The following NR2F1-AS1 variants were observed in gnomAD, a reference collection of about 807,000 sequenced individuals.
The protein encoded by NR2F1-AS1 is NR2F1 antisense RNA 1.
chr5:93,531,196 A>G (rs182999796), intron 4 of NR2F1-AS1, among the ~76,000 whole-genome samples: 59 of 152,344 alleles, frequency 3.9e-4, no homozygotes, highest in Non-Finnish European at 8.8e-5. Context: ...AATAATGGCA[A>G]ATGATTGCCC....
intron 4 of NR2F1-AS1, among the ~76,000 whole-genome samples, chr5:93,495,167 T>C (rs1295572285): frequency 2.6e-5 from 4 of 152,202 alleles, no homozygotes; most frequent in African/African-American, 4.8e-5. Context: ...AATGACATTA[T>C]ACTTACATGG....
At chr5:93,492,846 T>TA (rs568884397) in intron 4 of NR2F1-AS1, among the ~76,000 whole-genome samples, 8,472 of 139,440 alleles carry the variant, frequency 0.061, 238 homozygotes, top group Middle Eastern at 0.094. Flanking sequence ...CATTTCATGA[T>TA]AAAAAAAAAA....
At chr5:93,482,953 C>A (rs1750633330) in intron 4 of NR2F1-AS1, among the ~76,000 whole-genome samples, 1 of 152,192 alleles carries the variant, frequency 6.6e-6, no homozygotes, top group Non-Finnish European at 1.5e-5. Flanking sequence ...CAGACCCAAT[C>A]AGGGGATTAT....
At chr5:93,419,636 G>T (rs147189078) in intron 4 of NR2F1-AS1, among the ~76,000 whole-genome samples, 9 of 152,154 alleles carry the variant, frequency 5.9e-5, no homozygotes, top group African/African-American at 2.2e-4. Context: ...TATCGGAAAG[G>T]ATATACATTA....
chr5:93,574,707 A>AT (rs1285391563), intron 1 of NR2F1-AS1, among the ~76,000 whole-genome samples: 8 of 151,650 alleles, frequency 5.3e-5, no homozygotes, highest in Admixed American at 2.0e-4. Flanking sequence ...CCTTTCTTAT[A>AT]TTTTTTTTCT....
chr5:93,464,224 TA>T (rs1243512030), intron 4 of NR2F1-AS1, among the ~76,000 whole-genome samples: 1 of 152,176 alleles, frequency 6.6e-6, no homozygotes, highest in East Asian at 1.9e-4. Context: ...CTGATGGTTT[TA>T]AAAAGGGGAG....
chr5:93,447,463 A>G (rs1455698315), intron 4 of NR2F1-AS1, among the ~76,000 whole-genome samples: 1 of 152,234 alleles, frequency 6.6e-6, no homozygotes, highest in Non-Finnish European at 1.5e-5. Flanking sequence ...AATGCTCATC[A>G]TCACTGGTCA....
upstream of NR2F1-AS1, among the ~76,000 whole-genome samples, chr5:93,581,910 C>G (rs1256557186): frequency 6.0e-5 from 6 of 100,100 alleles, no homozygotes; most frequent in African/African-American, 2.4e-4. Context: ...CTCTCTGGGT[C>G]TCTCTCTCTC....
At chr5:93,535,418 A>C (rs976819766) in intron 4 of NR2F1-AS1, among the ~76,000 whole-genome samples, 1 of 151,896 alleles carries the variant, frequency 6.6e-6, no homozygotes, top group African/African-American at 2.4e-5. Context: ...TCCTTCTACA[A>C]TAAACGGAAA....
chr5:93,558,079 A>G (rs915624691), intron 2 of NR2F1-AS1, among the ~76,000 whole-genome samples: 1 of 152,078 alleles, frequency 6.6e-6, no homozygotes, highest in African/African-American at 2.4e-5. Flanking sequence ...TATTTCTACC[A>G]CATCTGCAGT....
intron 4 of NR2F1-AS1, among the ~76,000 whole-genome samples, chr5:93,423,745 T>C (rs955195280): frequency 6.6e-6 from 1 of 152,226 alleles, no homozygotes; most frequent in Non-Finnish European, 1.5e-5. Flanking sequence ...CGTGCTCCTA[T>C]TATATGCCAA....
At position 93,497,025 on chromosome 5, in the gene NR2F1-AS1, T is replaced by C. The variant is rs183395756; in HGVS notation, n.638+56736A>G. On this transcript the variant is annotated intron_variant and non_coding_transcript_variant, in intron 4 of 5. Transcript: ENST00000660523. ...AGAAGAAACCCAAAGACTCAAACAC[T>C]GTCCAAATGAGTGGACTTCTAAAAT... 1.5e-3 allele frequency among the ~76,000 whole-genome samples: 233 copies of C among 152,302 alleles called. 1 individual carries two copies. Among genetic ancestry groups the C allele is most frequent in the African/African-American group, 5.2e-3 (217 of 41,560 alleles).
At chr5:93,469,405 T>C (rs938412498) in intron 4 of NR2F1-AS1, among the ~76,000 whole-genome samples, 1 of 152,126 alleles carries the variant, frequency 6.6e-6, no homozygotes, top group Admixed American at 6.6e-5. Context: ...GGGACCACCA[T>C]CCTCTATGTG....
At chr5:93,450,220 A>T (rs77382450) in intron 4 of NR2F1-AS1, among the ~76,000 whole-genome samples, 16,015 of 152,192 alleles carry the variant, frequency 0.11, 949 homozygotes, top group Middle Eastern at 0.16. Flanking sequence ...GCCAAAGCTG[A>T]TTTTAAGTCA....
chr5:93,465,396 G>C (rs757829830), intron 4 of NR2F1-AS1, among the ~76,000 whole-genome samples: 2 of 152,220 alleles, frequency 1.3e-5, no homozygotes, highest in African/African-American at 2.4e-5. Context: ...ATGCCAGTTA[G>C]AATGGCGATC....
chr5:93,506,173 C>T (rs2149888422), intron 4 of NR2F1-AS1, among the ~76,000 whole-genome samples: 1 of 152,320 alleles, frequency 6.6e-6, no homozygotes, highest in Non-Finnish European at 1.5e-5. Flanking sequence ...AGTCTCTTTG[C>T]TAAAACGTAA....
chr5:93,459,182 A>G (rs772963914), intron 4 of NR2F1-AS1, among the ~76,000 whole-genome samples: 4 of 152,182 alleles, frequency 2.6e-5, no homozygotes, highest in Admixed American at 6.5e-5. Context: ...TTTAAAGCTT[A>G]TCTATTTTAA....
At chr5:93,573,348 A>G (rs75438180) in intron 1 of NR2F1-AS1, among the ~76,000 whole-genome samples, 1 of 152,108 alleles carries the variant, frequency 6.6e-6, no homozygotes, top group African/African-American at 2.4e-5. Flanking sequence ...GGAATTAGGG[A>G]ATTCGGGACG....
chr5:93,516,116 T>C (rs1751396385), intron 4 of NR2F1-AS1, among the ~76,000 whole-genome samples: 2 of 151,924 alleles, frequency 1.3e-5, no homozygotes, highest in South Asian at 4.1e-4. Flanking sequence ...TTGTTATGCC[T>C]ACTGCAGTAT....
Sources: allele counts gnomAD v4.1 joint callset (sites outside exome capture counted in the v4.1 genomes callset), GRCh38; gene constraint gnomAD v4.1.1; transcripts MANE v1.5; gene names NCBI Gene and HGNC (gene_info 2026-07-23, HGNC 2026-07-21).